The following MSRB3 variants were observed in gnomAD, a reference collection of about 807,000 sequenced individuals.
MSRB3 encodes methionine-R-sulfoxide reductase B3.
MSRB3 carries 13 observed loss-of-function variants against 21.0 expected under a neutral mutation model. The ratio of observed to expected loss-of-function variants is 0.62; its 90% CI spans 0.40 to 0.98. MSRB3 has a LOEUF of 0.98. MSRB3 is among the 50% of genes least tolerant of loss of function. The pLI, the probability that MSRB3 is intolerant of heterozygous loss-of-function variation, is 0.00. For missense variants in MSRB3, 199 were observed against 230.3 expected (o/e 0.86, Z 0.88); for synonymous variants, 87 against 88.6 (o/e 0.98, Z 0.10).
At chr12:65,403,853 G>A (rs1880264423) in intron 5 of MSRB3, among the ~76,000 whole-genome samples, 1 of 152,116 alleles carries the variant, frequency 6.6e-6, no homozygotes, top group Non-Finnish European at 1.5e-5. Context: ...CCTTGGCTAG[G>A]GGAGGGAGTT....
At chr12:65,420,046 A>ACC in intron 5 of MSRB3, 1 of 538,012 alleles carries the variant, frequency 1.9e-6, no homozygotes, top group Non-Finnish European at 3.7e-6. Context: ...AGAGAGCGGG[A>ACC]AGAGAGGACT....
intron 4 of MSRB3, among the ~76,000 whole-genome samples, chr12:65,335,637 G>GT (rs2136463939): frequency 6.6e-6 from 1 of 152,238 alleles, no homozygotes; most frequent in East Asian, 1.9e-4. Context: ...GGGGGAGGAT[G>GT]TAAGAGCACA....
chr12:65,402,756 AC>A (rs1241594709), intron 5 of MSRB3, among the ~76,000 whole-genome samples: 2 of 152,014 alleles, frequency 1.3e-5, no homozygotes, highest in Admixed American at 6.6e-5. Flanking sequence ...GGATTTATCT[AC>A]CTTTGATGTT....
chr12:65,455,417 C>T (rs907628129), intron 6 of MSRB3, among the ~76,000 whole-genome samples: 2 of 152,080 alleles, frequency 1.3e-5, no homozygotes, highest in African/African-American at 2.4e-5. Flanking sequence ...TGGGTTTCAC[C>T]CACAGAGGGT....
intron 5 of MSRB3, among the ~76,000 whole-genome samples, chr12:65,432,810 T>C (rs978576354): frequency 6.6e-6 from 1 of 151,954 alleles, no homozygotes; most frequent in Admixed American, 6.6e-5. Context: ...AGATAGCCAA[T>C]GTGAGCGTTT....
intron 1 of MSRB3, chr12:65,279,137 T>C (rs2136376373): frequency 1.3e-5 from 16 of 1,259,806 alleles, no homozygotes; most frequent in Non-Finnish European, 1.6e-5. Flanking sequence ...CACCTTATCC[T>C]GTCCCGGGAG....
intron 4 of MSRB3, among the ~76,000 whole-genome samples, chr12:65,341,028 T>C (rs373663145): frequency 2.0e-5 from 3 of 152,054 alleles, no homozygotes; most frequent in African/African-American, 4.8e-5. Flanking sequence ...AAAGTACTCC[T>C]AAAATCAAGA....
chr12:65,436,942 A>T (rs943225834), intron 5 of MSRB3, among the ~76,000 whole-genome samples: 1 of 151,928 alleles, frequency 6.6e-6, no homozygotes, highest in Non-Finnish European at 1.5e-5. Flanking sequence ...TCTAAACCCC[A>T]GTTTCTTTAC....
At chr12:65,332,311 G>GTA (rs1875480112) in intron 4 of MSRB3, among the ~76,000 whole-genome samples, 1 of 151,406 alleles carries the variant, frequency 6.6e-6, no homozygotes, top group South Asian at 2.1e-4. Flanking sequence ...GTGTGTGTGT[G>GTA]TATGAAAAGT....
In MSRB3 at chr12:65,394,276, G is replaced by A. The variant is rs1345218308; in HGVS notation, c.292+25250G>A. Reference sequence around the variant, plus strand: ...AAGAGGATATAATTGTTTTACTTACGTAATAAAAAATAAAACTAACACATT... The same window carrying A: ...AAGAGGATATAATTGTTTTACTTACATAATAAAAAATAAAACTAACACATT... On this transcript the variant is annotated intron_variant, in intron 5 of 6. Coordinates refer to ENST00000308259, the MANE Select transcript of MSRB3 (RefSeq NM_001031679.3). 5.3e-5 allele frequency among the ~76,000 whole-genome samples: 8 copies of A among 152,002 alleles called. No individual in the cohort carries two copies. The East Asian group carries it at 1.2e-3, about 22-fold the overall frequency.
chr12:65,426,010 C>T (rs1001725342), intron 5 of MSRB3, among the ~76,000 whole-genome samples: 1 of 152,044 alleles, frequency 6.6e-6, no homozygotes, highest in African/African-American at 2.4e-5. Flanking sequence ...GCATGTGCCA[C>T]CACGCCTGGC....
chr12:65,384,935 G>A (rs12297495), intron 5 of MSRB3, among the ~76,000 whole-genome samples: 7,217 of 152,188 alleles, frequency 0.047, 575 homozygotes, highest in African/African-American at 0.17. Flanking sequence ...TAGGTGGCAT[G>A]TATAAGTATT....
intron 2 of MSRB3, among the ~76,000 whole-genome samples, chr12:65,322,772 A>G (rs1592524000): frequency 1.3e-5 from 2 of 152,056 alleles, no homozygotes; most frequent in African/African-American, 4.8e-5. Context: ...TGTCCTTAAT[A>G]AGGTATGTTA....
intron 4 of MSRB3, among the ~76,000 whole-genome samples, chr12:65,342,162 T>A (rs1195120555): frequency 6.6e-6 from 1 of 151,660 alleles, no homozygotes; most frequent in African/African-American, 2.4e-5. Context: ...CTACTAAATA[T>A]TTTACTTTTC....
chr12:65,298,871 G>A lies in MSRB3; in HGVS notation c.-51-9658G>A, dbSNP rs896415691. Among the ~76,000 whole-genome samples, 7 of 152,246 alleles carry A rather than the reference G, an allele frequency of 4.6e-5. No homozygotes were observed. In the South Asian group the frequency reaches 1.2e-3, roughly 27 times the overall value. On this transcript the variant is annotated intron_variant, in intron 1 of 6. Transcript: ENST00000308259. ...GCTTATATTTAGCTCACTAAAAATAGTCTTTTAGTGATATAGATACTGTAG... is the reference window on the plus strand; with the variant it reads ...GCTTATATTTAGCTCACTAAAAATAATCTTTTAGTGATATAGATACTGTAG...
intron 2 of MSRB3, among the ~76,000 whole-genome samples, chr12:65,310,890 A>G (rs942325762): frequency 6.6e-6 from 1 of 152,220 alleles, no homozygotes; most frequent in Non-Finnish European, 1.5e-5. Context: ...TGGAGATAAT[A>G]ATAGTACCAA....
intron 6 of MSRB3, chr12:65,454,232 G>A (rs996608286): frequency 5.2e-6 from 2 of 384,548 alleles, no homozygotes; most frequent in African/African-American, 2.1e-5. Flanking sequence ...AGGCTGCAGT[G>A]AGCTGTGATC....
At chr12:65,445,174 G>T (rs1344337569) in intron 5 of MSRB3, among the ~76,000 whole-genome samples, 1 of 151,970 alleles carries the variant, frequency 6.6e-6, no homozygotes, top group Non-Finnish European at 1.5e-5. Context: ...TGCATGTACT[G>T]CAATCACCAA....
chr12:65,397,711 A>C (rs1879889670), intron 5 of MSRB3, among the ~76,000 whole-genome samples: 1 of 152,106 alleles, frequency 6.6e-6, no homozygotes. Context: ...TGCACCCATC[A>C]ACCCATTATC....
Sources: allele counts gnomAD v4.1 joint callset (sites outside exome capture counted in the v4.1 genomes callset), GRCh38; gene constraint gnomAD v4.1.1; transcripts MANE v1.5; gene names NCBI Gene and HGNC (gene_info 2026-07-23, HGNC 2026-07-21).